FHOD3: variants seen among roughly 807,000 people sequenced by gnomAD.
FHOD3 encodes FH1/FH2 domain-containing protein 3.
A neutral mutation model predicts 173.0 loss-of-function variants in FHOD3; 90 were observed. That is an observed-to-expected ratio of 0.52 (90% CI 0.44 to 0.62). The LOEUF (loss-of-function observed/expected upper bound fraction) is 0.62. Among genes scored for constraint, FHOD3 ranks in the 20% least tolerant of loss-of-function variants. The pLI, the probability that FHOD3 is intolerant of heterozygous loss-of-function variation, is 0.00. For missense variants in FHOD3, 1,945 were observed against 2,034.7 expected (o/e 0.96, Z 0.85); for synonymous variants, 828 against 823.0 (o/e 1.01, Z -0.10).
chr18:36,365,909 G>A (rs760589824), intron 2 of FHOD3, among the ~76,000 whole-genome samples: 1 of 152,148 alleles, frequency 6.6e-6, no homozygotes, highest in African/African-American at 2.4e-5. Flanking sequence ...TCTCTGAGAA[G>A]GTATCTAGAG....
chr18:36,767,207 A>G (rs1347633050), intron 27 of FHOD3, among the ~76,000 whole-genome samples: 1 of 152,234 alleles, frequency 6.6e-6, no homozygotes, highest in African/African-American at 2.4e-5. Context: ...CAAGTAGATC[A>G]AGTTCCTTTG....
chr18:36,592,476 G>C (rs61386425), intron 6 of FHOD3, among the ~76,000 whole-genome samples: 2,516 of 152,326 alleles, frequency 0.017, 79 homozygotes, highest in African/African-American at 0.057. Context: ...GGGCCGGAGA[G>C]GGGGTGTCAA....
chr18:36,679,286 A>T (rs2038077761), intron 14 of FHOD3, among the ~76,000 whole-genome samples: 2 of 152,152 alleles, frequency 1.3e-5, no homozygotes, highest in Non-Finnish European at 2.9e-5. Flanking sequence ...ATGCTCATTT[A>T]TGGCCCTTTT....
At chr18:36,724,717 T>C (rs2040966607) in intron 19 of FHOD3, among the ~76,000 whole-genome samples, 1 of 152,188 alleles carries the variant, frequency 6.6e-6, no homozygotes, top group African/African-American at 2.4e-5. Context: ...CCTGCAGTGT[T>C]CTTAGCCAAG....
intron 10 of FHOD3, among the ~76,000 whole-genome samples, chr18:36,631,332 G>T (rs1171699704): frequency 6.6e-6 from 1 of 152,188 alleles, no homozygotes; most frequent in Non-Finnish European, 1.5e-5. Context: ...TCAGAACCCA[G>T]CTCTCCCAAA....
At position 36,439,521 on chromosome 18, in the gene FHOD3, A is replaced by ATATG. The variant is rs1491431031; in HGVS notation, c.338-62410_338-62409insATGT. The stretch of plus-strand genomic sequence containing the variant: ...TCTCTGGAGAAACAAAACCAATAGA[A>ATATG]TGTGTGTGTGTGTGTGTGTGTGTGT... On this transcript the variant is annotated intron_variant, in intron 3 of 28. Transcript: ENST00000590592. Among the ~76,000 whole-genome samples the ATATG allele has an allele frequency of 1.8e-3, 258 of 144,826 alleles. 3 individuals are homozygous for ATATG. Among genetic ancestry groups the ATATG allele is most frequent in the African/African-American group, 6.4e-3 (247 of 38,860 alleles).
In FHOD3 at chr18:36,718,642, A is replaced by G; in HGVS notation, c.3344A>G (p.Glu1115Gly). Residue 1115 changes from glutamate to glycine, a missense_variant, in exon 19 of 29, where the codon GAA (glutamate) becomes GGA (glycine). This residue lies in a region of FHOD3 where 231 missense variants were observed against 321.9 expected (regional missense o/e 0.72). Transcript: ENST00000590592. Reference protein sequence around the residue: ...RCREFLWSKLEPIKVDTSRLE... With the variant: ...RCREFLWSKLGPIKVDTSRLE... The stretch of plus-strand genomic sequence containing the variant: ...AGAGAATTCCTGTGGTCAAAACTGG[A>G]ACCCATTAAGGTGGACACTTCCAGA... 1.9e-6 allele frequency: 3 copies of G among 1,614,186 alleles called. No individual in the cohort carries two copies. Among genetic ancestry groups the G allele is most frequent in the East Asian group, 2.2e-5 (1 of 44,876 alleles).
intron 2 of FHOD3, among the ~76,000 whole-genome samples, chr18:36,356,127 AGATTTTAGTG>A (rs1485438301): frequency 2.0e-5 from 3 of 152,230 alleles, no homozygotes; most frequent in African/African-American, 7.2e-5. Flanking sequence ...GATATTTTCC[AGATTTTAGTG>A]GATTTGCAAC....
intron 10 of FHOD3, among the ~76,000 whole-genome samples, chr18:36,642,805 A>C (rs2035423003): frequency 6.6e-6 from 1 of 151,970 alleles, no homozygotes; most frequent in Non-Finnish European, 1.5e-5. Context: ...TGTGCTTCCC[A>C]ATCTCCCATC....
At chr18:36,764,792 T>C (rs1319326335) in intron 27 of FHOD3, among the ~76,000 whole-genome samples, 1 of 152,124 alleles carries the variant, frequency 6.6e-6, no homozygotes, top group East Asian at 1.9e-4. Context: ...ATGCAGCATG[T>C]GTTATGGAGT....
At chr18:36,587,787 A>G (rs1391215141) in intron 6 of FHOD3, among the ~76,000 whole-genome samples, 1 of 152,194 alleles carries the variant, frequency 6.6e-6, no homozygotes, top group East Asian at 1.9e-4. Flanking sequence ...AAAAAATAGA[A>G]GAAGAAAATG....
chr18:36,748,387 ACACAC>A (rs1568724055), intron 24 of FHOD3, among the ~76,000 whole-genome samples: 1,553 of 105,916 alleles, frequency 0.015, 19 homozygotes, highest in African/African-American at 0.051. Flanking sequence ...CACACAACAC[ACACAC>A]ACACACACAC....
At chr18:36,340,621 G>T (rs1288050769) in intron 1 of FHOD3, among the ~76,000 whole-genome samples, 1 of 144,108 alleles carries the variant, frequency 6.9e-6, no homozygotes, top group African/African-American at 2.5e-5. Context: ...GGCTGCTGCT[G>T]CTCAGTCTCC....
At chr18:36,651,969 T>C (rs893963971) in intron 11 of FHOD3, among the ~76,000 whole-genome samples, 6 of 152,186 alleles carry the variant, frequency 3.9e-5, no homozygotes, top group South Asian at 2.1e-4. Flanking sequence ...GGAGAAAGTA[T>C]GAAACGGGCA....
chr18:36,351,620 C>T (rs983200883), intron 1 of FHOD3, among the ~76,000 whole-genome samples: 5 of 152,020 alleles, frequency 3.3e-5, no homozygotes, highest in Admixed American at 6.6e-5. Context: ...TTATGCTGTC[C>T]AGAATGTGAG....
At chr18:36,728,381 A>G (rs2041182457) in intron 19 of FHOD3, among the ~76,000 whole-genome samples, 1 of 152,190 alleles carries the variant, frequency 6.6e-6, no homozygotes, top group Admixed American at 6.5e-5. Context: ...AATTAGATTT[A>G]AAAGTTAAAT....
intron 3 of FHOD3, among the ~76,000 whole-genome samples, chr18:36,380,563 T>C (rs1056310713): frequency 1.1e-3 from 98 of 86,652 alleles, no homozygotes; most frequent in East Asian, 2.8e-3. Flanking sequence ...TTTTCTTTTC[T>C]TTTCTTTTCT....
intron 1 of FHOD3, among the ~76,000 whole-genome samples, chr18:36,349,788 T>C (rs1253309088): frequency 6.6e-6 from 1 of 152,196 alleles, no homozygotes; most frequent in Non-Finnish European, 1.5e-5. Context: ...TTCTTTTTTT[T>C]CTTTAGATGA....
chr18:36,470,083 G>T (rs939096066), intron 3 of FHOD3, among the ~76,000 whole-genome samples: 1 of 152,228 alleles, frequency 6.6e-6, no homozygotes, highest in Admixed American at 6.5e-5. Flanking sequence ...GATGGTAGGA[G>T]AGCGGGGTGC....
Sources: allele counts gnomAD v4.1 joint callset (sites outside exome capture counted in the v4.1 genomes callset), GRCh38; gene constraint gnomAD v4.1.1; regional missense constraint gnomAD v4.1.1; transcripts MANE v1.5; gene names NCBI Gene and HGNC (gene_info 2026-07-23, HGNC 2026-07-21).